SLC4A10: variants seen among roughly 807,000 people sequenced by gnomAD.
SLC4A10 encodes the protein solute carrier family 4 member 10, also known as sodium-driven chloride bicarbonate exchanger.
A neutral mutation model predicts 137.7 loss-of-function variants in SLC4A10; 42 were observed. That is an observed-to-expected ratio of 0.30 (90% confidence interval 0.24 to 0.39). The LOEUF is 0.39. SLC4A10 is among the 10% of genes least tolerant of loss of function. The probability of loss-of-function intolerance (pLI) is 1.00; values close to 1 mark genes in which losing one functional copy is unlikely to be tolerated. For synonymous variants in SLC4A10, 474 were observed against 464.1 expected (o/e 1.02, Z -0.27); for missense variants, 925 against 1,355.0 (o/e 0.68, Z 4.98).
At chr2:161,726,028 T>A (rs1294874172) in intron 1 of SLC4A10, among the ~76,000 whole-genome samples, 1 of 152,196 alleles carries the variant, frequency 6.6e-6, no homozygotes, top group Non-Finnish European at 1.5e-5. Context: ...CATTACCTAG[T>A]ACAGATTCTG....
intron 1 of SLC4A10, among the ~76,000 whole-genome samples, chr2:161,769,678 A>G (rs1215972776): frequency 6.6e-6 from 1 of 151,916 alleles, no homozygotes; most frequent in Non-Finnish European, 1.5e-5. Flanking sequence ...GTTGTTTGAC[A>G]TTATTGATTC....
intron 2 of SLC4A10, among the ~76,000 whole-genome samples, chr2:161,803,104 T>C (rs1213099015): frequency 6.6e-6 from 1 of 152,150 alleles, no homozygotes; most frequent in African/African-American, 2.4e-5. Context: ...CACTCTCCTA[T>C]ACATGATCTA....
intron 1 of SLC4A10, among the ~76,000 whole-genome samples, chr2:161,752,441 G>A (rs981973006): frequency 1.3e-5 from 2 of 151,896 alleles, no homozygotes; most frequent in Admixed American, 6.6e-5. Flanking sequence ...TGAACTAAAC[G>A]CATGGGCCTC....
intron 8 of SLC4A10, among the ~76,000 whole-genome samples, chr2:161,878,087 A>T (rs952876099): frequency 2.6e-5 from 4 of 152,116 alleles, no homozygotes; most frequent in Non-Finnish European, 5.9e-5. Flanking sequence ...TTCTCAAATC[A>T]TTAAACCTGC....
intron 1 of SLC4A10, among the ~76,000 whole-genome samples, chr2:161,645,917 AG>A: frequency 6.6e-6 from 1 of 152,124 alleles, no homozygotes; most frequent in Admixed American, 6.5e-5. Context: ...GCATTTACCC[AG>A]GGGTGGGGAA....
In SLC4A10 at chr2:161,928,876, A is replaced by C. The variant is rs547626566; in HGVS notation, c.1998-13916A>C. On this transcript the variant is annotated intron_variant, in intron 15 of 26. Coordinates refer to ENST00000446997, the MANE Select transcript of SLC4A10 (RefSeq NM_001178015.2). ...GATATACAGTAGCTACAGAAAACAT[A>C]TATGTATGTATATACACATATACAT... 6.6e-5 allele frequency among the ~76,000 whole-genome samples: 10 copies of C among 152,296 alleles called. No homozygotes were observed. In the South Asian group the frequency reaches 1.7e-3, roughly 25 times the overall value.
intron 4 of SLC4A10, among the ~76,000 whole-genome samples, chr2:161,854,226 T>C (rs2059979063): frequency 6.6e-6 from 1 of 152,222 alleles, no homozygotes; most frequent in Non-Finnish European, 1.5e-5. Context: ...ATTAAGTGGC[T>C]TGTGCCAGAG....
In SLC4A10 at chr2:161,814,500, C is replaced by A. The variant is rs373021067; in HGVS notation, c.277+9905C>A. On this transcript the variant is annotated intron_variant, in intron 3 of 26. Transcript: ENST00000446997. The stretch of plus-strand genomic sequence containing the variant: ...CGACTGTTAATCACAGTGCTATTCA[C>A]CATGGCAAAGACATGGAATCAACCT... Among the ~76,000 whole-genome samples the A allele has an allele frequency of 4.6e-5, 7 of 152,168 alleles. No individual in the cohort carries two copies. The East Asian group carries it at 9.6e-4, about 21-fold the overall frequency.
chr2:161,625,501 C>G (rs2032149843), intron 1 of SLC4A10, among the ~76,000 whole-genome samples: 1 of 152,048 alleles, frequency 6.6e-6, no homozygotes, highest in African/African-American at 2.4e-5. Context: ...AGCAGAAATC[C>G]CCTCCCTGCA....
intron 15 of SLC4A10, 72 bp downstream of exon 15, chr2:161,905,959 G>A: frequency 6.7e-7 from 1 of 1,500,668 alleles, no homozygotes; most frequent in Non-Finnish European, 8.9e-7. Context: ...CAAGAAATAT[G>A]AGGAAATTAC....
intron 4 of SLC4A10, among the ~76,000 whole-genome samples, chr2:161,846,270 G>A (rs2125819961): frequency 6.6e-6 from 1 of 152,094 alleles, no homozygotes; most frequent in East Asian, 1.9e-4. Flanking sequence ...ACTGCTCTGA[G>A]ATATTACTGC....
intron 2 of SLC4A10, among the ~76,000 whole-genome samples, chr2:161,787,251 A>G (rs1047245896): frequency 7.2e-5 from 11 of 152,078 alleles, no homozygotes; most frequent in Admixed American, 7.2e-4. Context: ...TAGGCCCCCT[A>G]TCTTTTTGGC....
intron 1 of SLC4A10, among the ~76,000 whole-genome samples, chr2:161,731,249 A>T (rs1482652629): frequency 6.6e-6 from 1 of 152,110 alleles, no homozygotes; most frequent in Non-Finnish European, 1.5e-5. Context: ...GGTTCAGTGT[A>T]CCACTGGTCT....
intron 1 of SLC4A10, among the ~76,000 whole-genome samples, chr2:161,660,585 T>TTTCTTTCTTTC (rs1330051053): frequency 6.8e-5 from 9 of 132,140 alleles, no homozygotes; most frequent in Admixed American, 1.6e-4. Flanking sequence ...TCTTTCTTTC[T>TTTCTTTCTTTC]TTCTTTCTTT....
chr2:161,762,644 T>A (rs1213980760), intron 1 of SLC4A10, among the ~76,000 whole-genome samples: 1 of 152,102 alleles, frequency 6.6e-6, no homozygotes, highest in Non-Finnish European at 1.5e-5. Context: ...ATAAGAAAAC[T>A]AATAAGTTAA....
rs749710872 is a variant in SLC4A10, at chr2:161,921,230, C to T, written c.1997+15343C>T. Among the ~76,000 whole-genome samples the T allele has an allele frequency of 8.8e-4, 134 of 152,202 alleles. 1 individual carries two copies. The highest frequency in any genetic ancestry group is 2.2e-4 in the Non-Finnish European group (15 of 68,034). On this transcript the variant is annotated intron_variant, in intron 15 of 26. Coordinates refer to ENST00000446997, the MANE Select transcript of SLC4A10 (RefSeq NM_001178015.2). ...GGCATACCTATGTTTCTTTCTCTCT[C>T]TCTCTTCATTGTACCTGTGAATTCC... is the stretch of plus-strand genomic sequence containing the variant.
chr2:161,827,196 C>T (rs1288154867), intron 3 of SLC4A10, among the ~76,000 whole-genome samples: 1 of 152,210 alleles, frequency 6.6e-6, no homozygotes, highest in Non-Finnish European at 1.5e-5. Context: ...GTCTTCTTCT[C>T]TCTCAAGACT....
At chr2:161,750,400 G>T (rs181726207) in intron 1 of SLC4A10, among the ~76,000 whole-genome samples, 2 of 151,424 alleles carry the variant, frequency 1.3e-5, no homozygotes. Context: ...TTCTCTCTTA[G>T]TACTGTTTTT....
intron 3 of SLC4A10, among the ~76,000 whole-genome samples, chr2:161,839,286 A>G (rs1387157020): frequency 6.6e-6 from 1 of 152,218 alleles, no homozygotes; most frequent in African/African-American, 2.4e-5. Context: ...AGACCAGATC[A>G]GTGGTTGCTG....
Sources: allele counts gnomAD v4.1 joint callset (sites outside exome capture counted in the v4.1 genomes callset), GRCh38; gene constraint gnomAD v4.1.1; transcripts MANE v1.5; gene names NCBI Gene and HGNC (gene_info 2026-07-23, HGNC 2026-07-21).